The following LMOD1 variants were observed in gnomAD, a reference collection of about 807,000 sequenced individuals.
LMOD1 encodes leiomodin 1.
In LMOD1, 8 loss-of-function variants were observed where a neutral mutation model predicts 36.5. The observed-to-expected ratio is 0.22, with a 90% CI of 0.13 to 0.40. LMOD1 has a LOEUF of 0.40. LMOD1 is among the 10% of genes least tolerant of loss of function. LMOD1 has a pLI of 1.00. For missense variants in LMOD1, 630 were observed against 751.1 expected, an observed-to-expected ratio of 0.84 and a Z score of 1.88; for synonymous variants, 284 against 288.7, an observed-to-expected ratio of 0.98 and a Z score of 0.17.
At chr1:201,934,174 C>A (rs1206446968) in intron 1 of LMOD1, among the ~76,000 whole-genome samples, 1 of 152,194 alleles carries the variant, frequency 6.6e-6, no homozygotes, top group Non-Finnish European at 1.5e-5. Flanking sequence ...TCCGGAAGTA[C>A]TTTCATGTTT....
chr1:201,933,763 T>C (rs1681970334), intron 1 of LMOD1, among the ~76,000 whole-genome samples: 1 of 151,750 alleles, frequency 6.6e-6, no homozygotes, highest in African/African-American at 2.4e-5. Flanking sequence ...TCCACACTTT[T>C]GTGCACATTT....
In LMOD1 at chr1:201,899,210, T is replaced by C; in HGVS notation, c.1776+27A>G. On this transcript the variant is annotated intron_variant, in intron 2 of 2. Coordinates refer to ENST00000367288, the MANE Select transcript of LMOD1 (RefSeq NM_012134.3). The surrounding 1 kb of genome is among the most constrained non-coding windows in gnomAD (Gnocchi z 6.3). ...CTCCAGGCCCTACCCAGCCCCGCCCTGTTGGCTCATGCCCACAACTACTTA... is the reference window on the plus strand; with the variant it reads ...CTCCAGGCCCTACCCAGCCCCGCCCCGTTGGCTCATGCCCACAACTACTTA... The C allele has an allele frequency of 1.9e-6, 3 of 1,554,534 alleles. No homozygotes were observed. The highest frequency in any genetic ancestry group is 2.6e-6 in the Non-Finnish European group (3 of 1,147,132).
chr1:201,931,100 G>A (rs1312667744), intron 1 of LMOD1, among the ~76,000 whole-genome samples: 2 of 152,152 alleles, frequency 1.3e-5, no homozygotes, highest in Non-Finnish European at 2.9e-5. Context: ...GGGAGAAAGA[G>A]CCAGTAAAAG....
At chr1:201,916,244 C>T (rs1436720655) in intron 1 of LMOD1, among the ~76,000 whole-genome samples, 1 of 152,048 alleles carries the variant, frequency 6.6e-6, no homozygotes, top group Non-Finnish European at 1.5e-5. Flanking sequence ...CAGAAAAATA[C>T]AACAAAGGCA....
intron 1 of LMOD1, among the ~76,000 whole-genome samples, chr1:201,903,187 G>C (rs1681358887): frequency 6.6e-6 from 1 of 152,224 alleles, no homozygotes. Flanking sequence ...GAAACGGTTT[G>C]TACCTGCACC....
intron 1 of LMOD1, among the ~76,000 whole-genome samples, chr1:201,909,052 C>T (rs1015529598): frequency 1.3e-5 from 2 of 152,210 alleles, no homozygotes; most frequent in Admixed American, 6.5e-5. Flanking sequence ...ATCCAGGGCA[C>T]CCCCCAGGGG....
At chr1:201,945,433 A>G (rs1682187085) in intron 1 of LMOD1, among the ~76,000 whole-genome samples, 1 of 152,124 alleles carries the variant, frequency 6.6e-6, no homozygotes, top group Admixed American at 6.5e-5. Flanking sequence ...CAAAAACAAA[A>G]CAAAACCAAA....
intron 1 of LMOD1, among the ~76,000 whole-genome samples, chr1:201,901,551 TAC>T (rs1231785233): frequency 0.061 from 2,689 of 43,890 alleles, 201 homozygotes; most frequent in South Asian, 0.12. Context: ...TATATATATA[TAC>T]ATATATATAT....
At chr1:201,901,598 A>ATATATATATACACATATATATATG (rs1681318498) in intron 1 of LMOD1, among the ~76,000 whole-genome samples, 2 of 8,960 alleles carry the variant, frequency 2.2e-4, no homozygotes, top group Non-Finnish European at 5.8e-4. Flanking sequence ...ATATATATGT[A>ATATATATATACACATATATATATG]TATATATATA....
At chr1:201,933,545 CAT>C (rs972431814) in intron 1 of LMOD1, among the ~76,000 whole-genome samples, 16 of 93,054 alleles carry the variant, frequency 1.7e-4, no homozygotes, top group African/African-American at 2.9e-4. Flanking sequence ...ATATATAATA[CAT>C]ATATATATAA....
intron 1 of LMOD1, among the ~76,000 whole-genome samples, chr1:201,911,956 C>T (rs952759065): frequency 6.6e-6 from 1 of 152,186 alleles, no homozygotes; most frequent in Non-Finnish European, 1.5e-5. Context: ...GGGCACAGAG[C>T]AGGGCCTGTG....
chr1:201,922,729 AATATAATAT>A (rs1681727060), intron 1 of LMOD1, among the ~76,000 whole-genome samples: 1 of 149,610 alleles, frequency 6.7e-6, no homozygotes, highest in Admixed American at 6.7e-5. Context: ...TGTTATATAT[AATATAATAT>A]ATATAATACA....
At chr1:201,920,597 G>A (rs1232718229) in intron 1 of LMOD1, among the ~76,000 whole-genome samples, 2 of 152,302 alleles carry the variant, frequency 1.3e-5, no homozygotes, top group South Asian at 4.1e-4. Context: ...ATTAGGAGGT[G>A]GGTCTGGATA....
At chr1:201,905,722 TAGCTGC>T (rs1172449322) in intron 1 of LMOD1, among the ~76,000 whole-genome samples, 1 of 152,174 alleles carries the variant, frequency 6.6e-6, no homozygotes, top group Non-Finnish European at 1.5e-5. Context: ...TGGACCCATG[TAGCTGC>T]AAGGGAGGAA....
At chr1:201,920,741 G>T (rs1032137354) in intron 1 of LMOD1, among the ~76,000 whole-genome samples, 6 of 152,198 alleles carry the variant, frequency 3.9e-5, no homozygotes, top group African/African-American at 1.4e-4. Flanking sequence ...AGAATAGGGG[G>T]TGGGAGGCTG....
intron 1 of LMOD1, among the ~76,000 whole-genome samples, chr1:201,903,885 G>A (rs543208303): frequency 1.3e-5 from 2 of 152,330 alleles, no homozygotes; most frequent in East Asian, 1.9e-4. Context: ...TTCACTCAGA[G>A]AGAAACTGGG....
intron 1 of LMOD1, among the ~76,000 whole-genome samples, chr1:201,938,131 C>CTTTTT (rs200629884): frequency 7.2e-6 from 1 of 139,398 alleles, no homozygotes; most frequent in Non-Finnish European, 1.6e-5. Context: ...TTGTAATTTC[C>CTTTTT]TTTTTTTTTT....
intron 1 of LMOD1, among the ~76,000 whole-genome samples, chr1:201,913,903 TTATC>T (rs1253141151): frequency 3.3e-5 from 5 of 152,334 alleles, no homozygotes; most frequent in East Asian, 1.9e-4. Context: ...TGTAGCTTGT[TTATC>T]TATTCATCCA....
intron 1 of LMOD1, among the ~76,000 whole-genome samples, chr1:201,931,669 T>C (rs1158478304): frequency 6.6e-6 from 1 of 152,168 alleles, no homozygotes; most frequent in Non-Finnish European, 1.5e-5. Context: ...ATCTGATGGC[T>C]TCAAGTGTCT....
Sources: allele counts gnomAD v4.1 joint callset (sites outside exome capture counted in the v4.1 genomes callset), GRCh38; gene constraint gnomAD v4.1.1; non-coding constraint Gnocchi (gnomAD v3.1); transcripts MANE v1.5; gene names NCBI Gene and HGNC (gene_info 2026-07-23, HGNC 2026-07-21).